The following PIEZO2 variants were observed in gnomAD, a reference collection of about 807,000 sequenced individuals.
PIEZO2 encodes piezo-type mechanosensitive ion channel component 2.
Under a neutral mutation model 337.3 loss-of-function variants are expected in PIEZO2, and 172 were observed. The ratio of observed to expected loss-of-function variants is 0.51; its 90% CI spans 0.45 to 0.58. The LOEUF (loss-of-function observed/expected upper bound fraction) is 0.58. PIEZO2 is among the 20% of genes least tolerant of loss of function. The probability of loss-of-function intolerance (pLI) is 0.00; values close to 1 mark genes in which losing one functional copy is unlikely to be tolerated. For synonymous variants in PIEZO2, 1,251 were observed against 1,228.5 expected, an observed-to-expected ratio of 1.02 and a Z score of -0.38; for missense variants, 3,028 against 3,391.3, an observed-to-expected ratio of 0.89 and a Z score of 2.66.
chr18:11,108,273 C>T (rs554292961), intron 1 of PIEZO2, among the ~76,000 whole-genome samples: 128 of 152,154 alleles, frequency 8.4e-4, no homozygotes, highest in African/African-American at 3.0e-3. Context: ...GGAAAGATCA[C>T]AGTATAATCA....
intron 51 of PIEZO2, 102 bp from the exon 52 acceptor site, chr18:10,680,473 C>T (rs1165973890): frequency 8.8e-7 from 1 of 1,140,960 alleles, no homozygotes; most frequent in Non-Finnish European, 1.2e-6. Flanking sequence ...GAAAAGGTTT[C>T]TCCCTTTGAA....
intron 2 of PIEZO2, among the ~76,000 whole-genome samples, chr18:10,981,986 G>A (rs2034683999): frequency 6.6e-6 from 1 of 152,116 alleles, no homozygotes; most frequent in South Asian, 2.1e-4. Flanking sequence ...TTGAGACTGG[G>A]ACTTCCTTCC....
intron 1 of PIEZO2, among the ~76,000 whole-genome samples, chr18:11,135,817 A>G (rs1416950452): frequency 1.3e-5 from 2 of 152,186 alleles, no homozygotes; most frequent in Admixed American, 1.3e-4. Context: ...AGGTATTTTA[A>G]AAAGAGTTTG....
At chr18:10,777,779 T>G (rs2038839879) in intron 18 of PIEZO2, among the ~76,000 whole-genome samples, 1 of 152,196 alleles carries the variant, frequency 6.6e-6, no homozygotes, top group Admixed American at 6.5e-5. Context: ...CTTGCACCTG[T>G]GTAGTGTTTA....
At position 11,126,104 on chromosome 18, in the gene PIEZO2, T is replaced by A. The variant is rs2040174025; in HGVS notation, c.64+22421A>T. On this transcript the variant is annotated intron_variant, in intron 1 of 55. Coordinates refer to ENST00000674853, the MANE Select transcript of PIEZO2 (RefSeq NM_001378183.1). The surrounding 1 kb of genome is among the most constrained non-coding windows in gnomAD (Gnocchi z 4.6). Reference sequence around the variant, plus strand: ...TTACAAGTAGAACAGCGGGCAGTTCTGTCCATGCCCACCAGAGGCCTGCAG... The same window carrying A: ...TTACAAGTAGAACAGCGGGCAGTTCAGTCCATGCCCACCAGAGGCCTGCAG... 6.6e-6 allele frequency among the ~76,000 whole-genome samples: 1 copy of A among 152,222 alleles called. No homozygotes were observed. The highest frequency in any genetic ancestry group is 1.5e-5 in the Non-Finnish European group (1 of 68,034).
chr18:11,046,828 A>T (rs965493871), intron 2 of PIEZO2, among the ~76,000 whole-genome samples: 1 of 152,222 alleles, frequency 6.6e-6, no homozygotes, highest in Non-Finnish European at 1.5e-5. Context: ...CAGCCAGGCT[A>T]TAGAGAAGCC....
intron 3 of PIEZO2, among the ~76,000 whole-genome samples, chr18:10,919,714 C>T (rs2031261339): frequency 6.6e-6 from 1 of 152,114 alleles, no homozygotes; most frequent in Non-Finnish European, 1.5e-5. Flanking sequence ...AAATAATTAA[C>T]TCCATCATCA....
Position 10,791,197 on chromosome 18 carries a change from T to G in PIEZO2, c.1882+4A>C. 2 of 1,533,764 alleles carry G rather than the reference T, an allele frequency of 1.3e-6. No individual in the cohort carries two copies. Among genetic ancestry groups the G allele is most frequent in the South Asian group, 2.4e-5 (2 of 83,504 alleles). On this transcript the variant is annotated splice_donor_region_variant and intron_variant, in intron 14 of 55. Transcript: ENST00000674853. ...TCTCCAGCCACACATATACACTAAT[T>G]TACCTTTTTCTTCATTTTCCTGACT...
rs1435581429 is a variant in PIEZO2 at position 11,002,005 on chromosome 18, T to C, written c.161-22345A>G. Among the ~76,000 whole-genome samples, 1 of 152,050 alleles carries C rather than the reference T, an allele frequency of 6.6e-6. No individual in the cohort carries two copies. The highest frequency in any genetic ancestry group is 1.5e-5 in the Non-Finnish European group (1 of 67,994). ...CAGCAAAGTTGGAAATTCTAGATCT[T>C]CTACCTGTAAGGGCCAGAGAGTAGA... On this transcript the variant is annotated intron_variant, in intron 2 of 55. Coordinates refer to ENST00000674853, the MANE Select transcript of PIEZO2 (RefSeq NM_001378183.1). The surrounding 1 kb of genome is among the most constrained non-coding windows in gnomAD (Gnocchi z 4.3).
intron 4 of PIEZO2, among the ~76,000 whole-genome samples, chr18:10,876,376 A>T (rs1364378383): frequency 6.6e-6 from 1 of 152,258 alleles, no homozygotes; most frequent in Non-Finnish European, 1.5e-5. Flanking sequence ...TACATGTGAC[A>T]GAGCTAGTGT....
At chr18:10,702,579 C>T (rs1037672215) in intron 42 of PIEZO2, among the ~76,000 whole-genome samples, 4 of 152,172 alleles carry the variant, frequency 2.6e-5, no homozygotes, top group East Asian at 1.9e-4. Flanking sequence ...TTCTTTAATT[C>T]GCAATCTATA....
At chr18:10,841,162 T>C (rs2041179624) in intron 7 of PIEZO2, among the ~76,000 whole-genome samples, 1 of 152,152 alleles carries the variant, frequency 6.6e-6, no homozygotes, top group African/African-American at 2.4e-5. Context: ...AAATATATGA[T>C]ACAATGATTT....
At chr18:11,005,788 G>A (rs1032364879) in intron 2 of PIEZO2, among the ~76,000 whole-genome samples, 1 of 152,166 alleles carries the variant, frequency 6.6e-6, no homozygotes, top group African/African-American at 2.4e-5. Flanking sequence ...ACCCTGAACT[G>A]TGCTTTCATG....
At chr18:10,764,495 G>T (rs963518520) in intron 21 of PIEZO2, among the ~76,000 whole-genome samples, 5 of 151,802 alleles carry the variant, frequency 3.3e-5, no homozygotes, top group African/African-American at 1.2e-4. Context: ...CAAAAAATTA[G>T]CCGGGCGTGG....
At chr18:10,882,842 CTT>C (rs35740624) in intron 4 of PIEZO2, among the ~76,000 whole-genome samples, 4 of 128,196 alleles carry the variant, frequency 3.1e-5, no homozygotes, top group African/African-American at 1.1e-4. Context: ...TTCTTTTTTT[CTT>C]TTTTTTTTTT....
At chr18:11,030,986 G>A (rs2036715188) in intron 2 of PIEZO2, among the ~76,000 whole-genome samples, 1 of 142,032 alleles carries the variant, frequency 7.0e-6, no homozygotes, top group Non-Finnish European at 1.5e-5. Context: ...GTTGCTTCTG[G>A]AATTTTGTTG....
chr18:11,049,432 T>C (rs2037439648), intron 2 of PIEZO2, among the ~76,000 whole-genome samples: 1 of 152,188 alleles, frequency 6.6e-6, no homozygotes, highest in Non-Finnish European at 1.5e-5. Context: ...GTAACGTTTG[T>C]CAAATGAGTA....
intron 1 of PIEZO2, among the ~76,000 whole-genome samples, chr18:11,130,328 T>G (rs1350721064): frequency 2.0e-5 from 3 of 152,246 alleles, no homozygotes; most frequent in African/African-American, 7.2e-5. Flanking sequence ...TCCTGGTAAC[T>G]GGTATGCAGC....
intron 49 of PIEZO2, 113 bp downstream of exon 49, chr18:10,689,542 G>C: frequency 7.3e-7 from 1 of 1,369,868 alleles, no homozygotes; most frequent in Non-Finnish European, 1.0e-6. Context: ...TTTATAGGTT[G>C]TGGTAGTTTT....
Sources: allele counts gnomAD v4.1 joint callset (sites outside exome capture counted in the v4.1 genomes callset), GRCh38; gene constraint gnomAD v4.1.1; non-coding constraint Gnocchi (gnomAD v3.1); transcripts MANE v1.5; gene names NCBI Gene and HGNC (gene_info 2026-07-23, HGNC 2026-07-21).